NPRL2: variants seen among roughly 807,000 people sequenced by gnomAD.
NPRL2 encodes the protein GATOR1 complex protein NPRL2.
In NPRL2, 21 loss-of-function variants were observed where a neutral mutation model predicts 51.1. The observed-to-expected ratio is 0.41, with a 90% CI of 0.29 to 0.59. The LOEUF is 0.59. Among genes scored for constraint, NPRL2 ranks in the 20% least tolerant of loss-of-function variants. The pLI is 0.29. For synonymous variants in NPRL2, 175 were observed against 187.8 expected (o/e 0.93, Z 0.56); for missense variants, 376 against 483.4 (o/e 0.78, Z 2.08).
rs760946194 is a variant in NPRL2, at chr3:50,347,685, G to A, written c.1076-12C>T. 1.2e-6 allele frequency: 2 copies of A among 1,614,006 alleles called. No individual in the cohort carries two copies. Among genetic ancestry groups the A allele is most frequent in the Admixed American group, 1.7e-5 (1 of 60,022 alleles). ...ATGGTAGCTCATGCCTGGGTGGGGT[G>A]GTGGAGGAGAGGTCAGTGGCCTTGG... On this transcript the variant is annotated splice_polypyrimidine_tract_variant and intron_variant, in intron 10 of 10. Coordinates refer to ENST00000232501, the MANE Select transcript of NPRL2 (RefSeq NM_006545.5).
At position 50,350,722 on chromosome 3, in the gene NPRL2, C is replaced by G. The variant is rs1018342200; in HGVS notation, c.-70G>C. 1.6e-5 allele frequency: 25 copies of G among 1,542,238 alleles called. No homozygotes were observed. The African/African-American group carries it at 2.5e-4, about 15-fold the overall frequency. On this transcript the variant is annotated 5_prime_UTR_variant, in exon 1 of 11. Transcript: ENST00000232501. This position sits in a 1 kb window ranked among gnomAD's most constrained non-coding sequence, Gnocchi z 5.7. ...GAGGCGTCCCCACCTCCTGTGAACA[C>G]TTGTCAGAGACAGCCTCGAGGCCTG...
chr3:50,348,294 C>T lies in NPRL2; in HGVS notation c.814+23G>A. On this transcript the variant is annotated intron_variant, in intron 8 of 10. Coordinates refer to ENST00000232501, the MANE Select transcript of NPRL2 (RefSeq NM_006545.5). This position sits in a 1 kb window ranked among gnomAD's most constrained non-coding sequence, Gnocchi z 5.8. ...TGTGGCCCTGCCCTCCCCAAGATGG[C>T]TTCCCCCAGAACCCACCACTACCTT... is the stretch of plus-strand genomic sequence containing the variant. The T allele has an allele frequency of 6.2e-7, 1 of 1,613,766 alleles. No homozygotes were observed.
chr3:50,350,754 T>G lies in NPRL2; in HGVS notation c.-102A>C. On this transcript the variant is annotated 5_prime_UTR_variant, in exon 1 of 11. Coordinates refer to ENST00000232501, the MANE Select transcript of NPRL2 (RefSeq NM_006545.5). This position sits in a 1 kb window ranked among gnomAD's most constrained non-coding sequence, Gnocchi z 5.7. Reference sequence around the variant, plus strand: ...GAGACAGCCTCGAGGCCTGTGTCGCTGGGGCACGCAAGCTTGCCAATCCCT... The same window carrying G: ...GAGACAGCCTCGAGGCCTGTGTCGCGGGGGCACGCAAGCTTGCCAATCCCT... 1.3e-6 allele frequency: 2 copies of G among 1,495,804 alleles called. No homozygotes were observed. The highest frequency in any genetic ancestry group is 2.2e-5 in the Admixed American group (1 of 46,030). 92.7% of individuals were successfully genotyped at this position (1,495,804 alleles called of 1,614,324 possible).
In NPRL2 at chr3:50,347,475, G is replaced by A. The variant is rs1252647453; in HGVS notation, c.*131C>T. ...GTCTCCCACGGCTGGCCCAGAAACAGCACTCAATAAAGGCTGTTTGAAATG... is the reference window on the plus strand; with the variant it reads ...GTCTCCCACGGCTGGCCCAGAAACAACACTCAATAAAGGCTGTTTGAAATG... On this transcript the variant is annotated 3_prime_UTR_variant, in exon 11 of 11. Transcript: ENST00000232501. 2.6e-6 allele frequency: 3 copies of A among 1,156,662 alleles called. No homozygotes were observed. The highest frequency in any genetic ancestry group is 3.7e-6 in the Non-Finnish European group (3 of 800,942). 71.6% of individuals were successfully genotyped at this position (1,156,662 alleles called of 1,614,324 possible).
In NPRL2 at chr3:50,349,095, G is replaced by T; in HGVS notation, c.449-85C>A. 2 of 1,508,688 alleles carry T rather than the reference G, an allele frequency of 1.3e-6. No homozygotes were observed. Among genetic ancestry groups the T allele is most frequent in the Non-Finnish European group, 9.0e-7 (1 of 1,114,336 alleles). 93.5% of individuals were successfully genotyped at this position (1,508,688 alleles called of 1,614,324 possible). A position where few individuals can be genotyped will look rare whatever the true frequency, so the allele number is the denominator to read the frequency against. The stretch of plus-strand genomic sequence containing the variant: ...ATCCAGGCCTCCCAGCATCCCTTGG[G>T]GCAAGCAGGTGCCTCTGGGTAGGGC... On this transcript the variant is annotated intron_variant, in intron 4 of 10. Coordinates refer to ENST00000232501, the MANE Select transcript of NPRL2 (RefSeq NM_006545.5). The surrounding 1 kb of genome is among the most constrained non-coding windows in gnomAD (Gnocchi z 4.6).
At position 50,350,622 on chromosome 3, in the gene NPRL2, A is replaced by G; in HGVS notation, c.31T>C (p.Phe11Leu). ...AGCGTGGGGTGGAACTCGCTGAAGAATATGCATTCGATGCGGCAGCCGCTG... is the reference window on the plus strand; with the variant it reads ...AGCGTGGGGTGGAACTCGCTGAAGAGTATGCATTCGATGCGGCAGCCGCTG... MGSGCRIECI[F>L]FSEFHPTLGP... is the part of the protein sequence containing the mutation. The change falls in exon 1 of 11, where the codon TTC (phenylalanine) becomes CTC (leucine). Residue 11 changes from phenylalanine (F) to leucine (L), a missense_variant. Physicochemically the swap from Phe to Leu is conservative, Grantham distance 22 (BLOSUM62 0). Coordinates refer to ENST00000232501, the MANE Select transcript of NPRL2 (RefSeq NM_006545.5). This position sits in a 1 kb window ranked among gnomAD's most constrained non-coding sequence, Gnocchi z 5.7. 5.6e-6 allele frequency: 9 copies of G among 1,609,796 alleles called. No individual in the cohort carries two copies. The highest frequency in any genetic ancestry group is 7.6e-6 in the Non-Finnish European group (9 of 1,178,556).
In NPRL2 at chr3:50,349,340, C is replaced by T. The variant is rs1431688045; in HGVS notation, c.448+46G>A. 2 of 1,529,242 alleles carry T rather than the reference C, an allele frequency of 1.3e-6. No homozygotes were observed. Among genetic ancestry groups the T allele is most frequent in the African/African-American group, 1.4e-5 (1 of 73,404 alleles). The allele number at this position is 1,529,242 out of a possible 1,614,324, so 94.7% of individuals were successfully genotyped here. A position where few individuals can be genotyped will look rare whatever the true frequency, so the allele number is the denominator to read the frequency against. On this transcript the variant is annotated intron_variant, in intron 4 of 10. Transcript: ENST00000232501. The surrounding 1 kb of genome is among the most constrained non-coding windows in gnomAD (Gnocchi z 4.6). ...CCCTGACTAGCTGGGTTCACTTTCCCATCTCTCCTCTACCCCTCTGCTGTC... is the reference window on the plus strand; with the variant it reads ...CCCTGACTAGCTGGGTTCACTTTCCTATCTCTCCTCTACCCCTCTGCTGTC...
At position 50,349,826 on chromosome 3, in the gene NPRL2, T is replaced by C. The variant is rs73082913; in HGVS notation, c.178A>G (p.Met60Val). 78 of 1,612,044 alleles carry C rather than the reference T, an allele frequency of 4.8e-5. No homozygotes were observed. Among genetic ancestry groups the C allele is most frequent in the Non-Finnish European group, 6.4e-5 (76 of 1,178,434 alleles). ...LQNKLITVTA[M>V]EKKLIGCPVC... ...GGACAGCCGATCAGCTTCTTTTCCA[T>C]AGCTGTGCTGGATAATTGGAACACA... The change falls in exon 3 of 11, where the codon ATG becomes GTG. Residue 60 changes from methionine to valine, a missense_variant. By Grantham distance (21) the Met-to-Val change is conservative. Transcript: ENST00000232501. The surrounding 1 kb of genome is among the most constrained non-coding windows in gnomAD (Gnocchi z 4.6).
In NPRL2 at chr3:50,349,085, C is replaced by A; in HGVS notation, c.449-75G>T. The A allele has an allele frequency of 6.4e-7, 1 of 1,553,202 alleles. No homozygotes were observed. The highest frequency in any genetic ancestry group is 1.2e-5 in the South Asian group (1 of 84,774). ...CTCAATTACCATCCAGGCCTCCCAG[C>A]ATCCCTTGGGGCAAGCAGGTGCCTC... is the stretch of plus-strand genomic sequence containing the variant. On this transcript the variant is annotated intron_variant, in intron 4 of 10. Coordinates refer to ENST00000232501, the MANE Select transcript of NPRL2 (RefSeq NM_006545.5). The surrounding 1 kb of genome is among the most constrained non-coding windows in gnomAD (Gnocchi z 4.6).
rs587611848 is a variant in NPRL2 at position 50,347,901 on chromosome 3, C to T, written c.933G>A (p.Arg311=). The T allele has an allele frequency of 1.2e-6, 2 of 1,613,926 alleles. No individual in the cohort carries two copies. The highest frequency in any genetic ancestry group is 1.1e-5 in the South Asian group (1 of 91,084). ...HPQQLQHVDE[R]KLIQFGLMKN... is the part of the protein sequence containing the mutation. ...TCATAAGCCCGAACTGGATCAGCTT[C>T]CTAGGGTGAGGATCAGAGGACGGGG... The change falls in exon 10 of 11, where the codon CGG becomes CGA. Residue 311 remains arginine (R), a splice_region_variant and synonymous_variant. Transcript: ENST00000232501.
In NPRL2 at chr3:50,348,086, A is replaced by AG. The variant is rs758225101; in HGVS notation, c.932+37dup. On this transcript the variant is annotated intron_variant, in intron 9 of 10. Coordinates refer to ENST00000232501, the MANE Select transcript of NPRL2 (RefSeq NM_006545.5). The surrounding 1 kb of genome is among the most constrained non-coding windows in gnomAD (Gnocchi z 5.8). ...AGACATAAAGGGTCTAGCTTCCCTC[A>AG]GGTAACTCCCAAATGCCCCAGCAAA... is the stretch of plus-strand genomic sequence containing the variant. 1.9e-6 allele frequency: 3 copies of AG among 1,607,958 alleles called. No homozygotes were observed. The highest frequency in any genetic ancestry group is 3.3e-5 in the Admixed American group (2 of 59,996).
chr3:50,348,660 C>T lies in NPRL2; in HGVS notation c.683+25G>A, dbSNP rs1158211608. The T allele has an allele frequency of 2.4e-5, 39 of 1,613,854 alleles. No individual in the cohort carries two copies. The highest frequency in any genetic ancestry group is 3.2e-5 in the Non-Finnish European group (38 of 1,179,982). ...TCTTCCCTGGCTGGTGACCTTGTCC[C>T]AGGTATGACTGTAGGCCCACTCACA... On this transcript the variant is annotated intron_variant, in intron 6 of 10. Transcript: ENST00000232501. The surrounding 1 kb of genome is among the most constrained non-coding windows in gnomAD (Gnocchi z 5.8).
In NPRL2 at chr3:50,347,552, C is replaced by T. The variant is rs1703594731; in HGVS notation, c.*54G>A. 15 of 1,605,120 alleles carry T rather than the reference C, an allele frequency of 9.3e-6. No individual in the cohort carries two copies. Among genetic ancestry groups the T allele is most frequent in the Non-Finnish European group, 1.3e-5 (15 of 1,172,494 alleles). ...TCAACCTCTAGACAGTATGACAAGC[C>T]TCCTAGTAGGAGGGACTACCCACAG... On this transcript the variant is annotated 3_prime_UTR_variant, in exon 11 of 11. Coordinates refer to ENST00000232501, the MANE Select transcript of NPRL2 (RefSeq NM_006545.5).
chr3:50,350,396 T>A lies in NPRL2; in HGVS notation c.78+179A>T, dbSNP rs1267508025. The stretch of plus-strand genomic sequence containing the variant: ...CTACAAACACTGCCAATGTGACGTA[T>A]GTCTTCCCTGCCACATTGGGAGCCG... On this transcript the variant is annotated intron_variant, in intron 1 of 10. Transcript: ENST00000232501. The surrounding 1 kb of genome is among the most constrained non-coding windows in gnomAD (Gnocchi z 5.7). The A allele has an allele frequency of 1.5e-6, 1 of 665,310 alleles. No individual in the cohort carries two copies. Among genetic ancestry groups the A allele is most frequent in the Admixed American group, 2.8e-5 (1 of 35,154 alleles). The allele number at this position is 665,310 out of a possible 1,614,324, so 41.2% of individuals were successfully genotyped here.
rs1373164750 is a variant in NPRL2, at chr3:50,350,316, A to G, written c.78+259T>C. Reference sequence around the variant, plus strand: ...TTCAGGGATACTCATGGGTCACCCAACTCACCTTCTGTGGGACCTGGAACC... The same window carrying G: ...TTCAGGGATACTCATGGGTCACCCAGCTCACCTTCTGTGGGACCTGGAACC... On this transcript the variant is annotated intron_variant, in intron 1 of 10. Coordinates refer to ENST00000232501, the MANE Select transcript of NPRL2 (RefSeq NM_006545.5). This position sits in a 1 kb window ranked among gnomAD's most constrained non-coding sequence, Gnocchi z 5.7. 5 of 600,600 alleles carry G rather than the reference A, an allele frequency of 8.3e-6. No homozygotes were observed. The highest frequency in any genetic ancestry group is 1.9e-5 in the African/African-American group (1 of 53,768). 37.2% of individuals were successfully genotyped at this position (600,600 alleles called of 1,614,324 possible). A position where few individuals can be genotyped will look rare whatever the true frequency, so the allele number is the denominator to read the frequency against.
rs587680137 is a variant in NPRL2 at position 50,347,459 on chromosome 3, G to C, written c.*147C>G. 73 of 929,162 alleles carry C rather than the reference G, an allele frequency of 7.9e-5. No individual in the cohort carries two copies. The highest frequency in any genetic ancestry group is 1.2e-4 in the Non-Finnish European group (72 of 619,970). 57.6% of individuals were successfully genotyped at this position (929,162 alleles called of 1,614,324 possible). A position where few individuals can be genotyped will look rare whatever the true frequency, so the allele number is the denominator to read the frequency against. Reference sequence around the variant, plus strand: ...TTTCATTCACTGCTGGGTCTCCCACGGCTGGCCCAGAAACAGCACTCAATA... The same window carrying C: ...TTTCATTCACTGCTGGGTCTCCCACCGCTGGCCCAGAAACAGCACTCAATA... On this transcript the variant is annotated 3_prime_UTR_variant, in exon 11 of 11. Coordinates refer to ENST00000232501, the MANE Select transcript of NPRL2 (RefSeq NM_006545.5).
At position 50,347,474 on chromosome 3, in the gene NPRL2, A is replaced by G; in HGVS notation, c.*132T>C. Reference sequence around the variant, plus strand: ...GGTCTCCCACGGCTGGCCCAGAAACAGCACTCAATAAAGGCTGTTTGAAAT... The same window carrying G: ...GGTCTCCCACGGCTGGCCCAGAAACGGCACTCAATAAAGGCTGTTTGAAAT... On this transcript the variant is annotated 3_prime_UTR_variant, in exon 11 of 11. Transcript: ENST00000232501. 1 of 1,158,276 alleles carries G rather than the reference A, an allele frequency of 8.6e-7. No individual in the cohort carries two copies. Among genetic ancestry groups the G allele is most frequent in the South Asian group, 1.3e-5 (1 of 75,186 alleles). 71.7% of individuals were successfully genotyped at this position (1,158,276 alleles called of 1,614,324 possible). A position where few individuals can be genotyped will look rare whatever the true frequency, so the allele number is the denominator to read the frequency against.
intron 10 of NPRL2, 28 bp downstream of exon 10, chr3:50,347,731 C>T (rs780974162): frequency 6.2e-7 from 1 of 1,613,816 alleles, no homozygotes. Flanking sequence ...CTGCCCTGAA[C>T]CCACCCTGAC....
rs1703707136 is a variant in NPRL2, at chr3:50,350,121, T to A, written c.79-99A>T. The A allele has an allele frequency of 4.3e-6, 4 of 930,654 alleles. No individual in the cohort carries two copies. In the South Asian group the frequency reaches 5.7e-5, roughly 13 times the overall value. The allele number at this position is 930,654 out of a possible 1,614,324, so 57.6% of individuals were successfully genotyped here. A position where few individuals can be genotyped will look rare whatever the true frequency, so the allele number is the denominator to read the frequency against. On this transcript the variant is annotated intron_variant, in intron 1 of 10. Coordinates refer to ENST00000232501, the MANE Select transcript of NPRL2 (RefSeq NM_006545.5). The surrounding 1 kb of genome is among the most constrained non-coding windows in gnomAD (Gnocchi z 5.7). Reference sequence around the variant, plus strand: ...TGCCCCCCAAGCCCAAGTCCTCTTCTCCAGCGTTCCCCTCTCTCCCATCCA... The same window carrying A: ...TGCCCCCCAAGCCCAAGTCCTCTTCACCAGCGTTCCCCTCTCTCCCATCCA...
Sources: allele counts gnomAD v4.1 joint callset, GRCh38; gene constraint gnomAD v4.1.1; non-coding constraint Gnocchi (gnomAD v3.1); transcripts MANE v1.5; gene names NCBI Gene and HGNC (gene_info 2026-07-23, HGNC 2026-07-21).